The following CCSER1 variants were observed in gnomAD, a reference collection of about 807,000 sequenced individuals.
CCSER1 encodes coiled-coil serine rich protein 1, also known as serine-rich coiled-coil domain-containing protein 1.
A neutral mutation model predicts 82.0 loss-of-function variants in CCSER1; 41 were observed. That is an observed-to-expected ratio of 0.50 (90% CI 0.39 to 0.65). CCSER1 has a LOEUF of 0.65. CCSER1 is among the 30% of genes least tolerant of loss of function. CCSER1 has a pLI of 0.00. For synonymous variants in CCSER1, 414 were observed against 383.9 expected (o/e 1.08, Z -0.92); for missense variants, 1,119 against 1,064.2 (o/e 1.05, Z -0.72).
At chr4:90,485,984 G>C (rs920185626) in intron 5 of CCSER1, among the ~76,000 whole-genome samples, 1 of 152,116 alleles carries the variant, frequency 6.6e-6, no homozygotes, top group Non-Finnish European at 1.5e-5. Context: ...AGAGGACTCT[G>C]TCATGTGGTC....
At chr4:91,260,434 AT>A (rs1325193348) in intron 10 of CCSER1, among the ~76,000 whole-genome samples, 3 of 152,204 alleles carry the variant, frequency 2.0e-5, no homozygotes, top group African/African-American at 7.2e-5. Flanking sequence ...TCTTTTATTA[AT>A]CCTCTTAACT....
At chr4:90,640,573 C>T (rs1445376326) in intron 6 of CCSER1, among the ~76,000 whole-genome samples, 2 of 152,068 alleles carry the variant, frequency 1.3e-5, no homozygotes, top group Non-Finnish European at 2.9e-5. Flanking sequence ...TTAGGCTTTA[C>T]GTCCCCACCC....
At chr4:90,543,271 A>G (rs1233509992) in intron 5 of CCSER1, among the ~76,000 whole-genome samples, 1 of 152,164 alleles carries the variant, frequency 6.6e-6, no homozygotes, top group Non-Finnish European at 1.5e-5. Flanking sequence ...GAGTTACTAT[A>G]AGAATCTTAG....
At chr4:91,195,751 C>T (rs1735354726) in intron 10 of CCSER1, among the ~76,000 whole-genome samples, 1 of 152,144 alleles carries the variant, frequency 6.6e-6, no homozygotes, top group African/African-American at 2.4e-5. Context: ...TTTCTCATAT[C>T]TATCTCTCAC....
chr4:90,731,126 T>C (rs1034894881), intron 7 of CCSER1, among the ~76,000 whole-genome samples: 2 of 152,140 alleles, frequency 1.3e-5, no homozygotes, highest in African/African-American at 4.8e-5. Context: ...TGATTGAATA[T>C]TGAGTACATT....
chr4:90,713,113 C>G (rs557361662), intron 6 of CCSER1, among the ~76,000 whole-genome samples: 1 of 151,868 alleles, frequency 6.6e-6, no homozygotes, highest in South Asian at 2.1e-4. Context: ...CATTCTGTGT[C>G]TTTTAATTGG....
At chr4:91,254,353 G>A (rs1740510181) in intron 10 of CCSER1, among the ~76,000 whole-genome samples, 2 of 152,126 alleles carry the variant, frequency 1.3e-5, no homozygotes, top group African/African-American at 2.4e-5. Flanking sequence ...ATATGTATAC[G>A]ATGGAATATT....
intron 5 of CCSER1, among the ~76,000 whole-genome samples, chr4:90,612,013 T>C (rs1413040919): frequency 6.6e-6 from 1 of 151,808 alleles, no homozygotes; most frequent in Non-Finnish European, 1.5e-5. Context: ...ATTTACCTTA[T>C]TTTCACTTTG....
chr4:91,172,874 CA>C (rs1194722102), intron 10 of CCSER1, among the ~76,000 whole-genome samples: 1 of 151,944 alleles, frequency 6.6e-6, no homozygotes, highest in Non-Finnish European at 1.5e-5. Flanking sequence ...ATAGAAGAAA[CA>C]TATTAAACAT....
At chr4:90,874,207 T>G (rs1385700914) in intron 8 of CCSER1, among the ~76,000 whole-genome samples, 1 of 152,130 alleles carries the variant, frequency 6.6e-6, no homozygotes. Flanking sequence ...AGGCACAGCT[T>G]TAGGTAATAT....
chr4:90,277,153 C>T (rs183120645), intron 1 of CCSER1, among the ~76,000 whole-genome samples: 150 of 151,968 alleles, frequency 9.9e-4, no homozygotes, highest in South Asian at 2.7e-3. Context: ...AGTGGGCATT[C>T]CTGTCTAGGC....
intron 10 of CCSER1, among the ~76,000 whole-genome samples, chr4:91,213,238 G>A (rs531058739): frequency 3.7e-4 from 56 of 151,956 alleles, no homozygotes; most frequent in Non-Finnish European, 7.1e-4. Context: ...TTTTGATATG[G>A]ATGTTTGTAC....
intron 10 of CCSER1, among the ~76,000 whole-genome samples, chr4:91,517,748 G>A (rs1463062058): frequency 1.4e-5 from 1 of 70,788 alleles, no homozygotes; most frequent in Non-Finnish European, 3.0e-5. Context: ...TCTTTCTCGT[G>A]TGTGTGTGTG....
intron 10 of CCSER1, among the ~76,000 whole-genome samples, chr4:91,275,161 T>C (rs990666795): frequency 6.6e-6 from 1 of 152,132 alleles, no homozygotes; most frequent in African/African-American, 2.4e-5. Context: ...CAGTAGGGGA[T>C]TGCTGCATCA....
chr4:90,352,675 A>T (rs1299559366), intron 3 of CCSER1, among the ~76,000 whole-genome samples: 1 of 151,816 alleles, frequency 6.6e-6, no homozygotes. Flanking sequence ...ACAAAAAAAA[A>T]ACATATATGT....
At chr4:90,219,617 C>A (rs994638189) in intron 1 of CCSER1, among the ~76,000 whole-genome samples, 1 of 152,130 alleles carries the variant, frequency 6.6e-6, no homozygotes, top group Non-Finnish European at 1.5e-5. Context: ...CAATAAAAAT[C>A]ATGCCTTGCT....
intron 10 of CCSER1, among the ~76,000 whole-genome samples, chr4:91,351,505 GA>G (rs1405631528): frequency 6.6e-6 from 1 of 151,944 alleles, no homozygotes; most frequent in Non-Finnish European, 1.5e-5. Flanking sequence ...TCTAAAGCAT[GA>G]AACAGATTCT....
chr4:91,396,147 T>C (rs567031392), intron 10 of CCSER1, among the ~76,000 whole-genome samples: 2 of 152,184 alleles, frequency 1.3e-5, no homozygotes, highest in South Asian at 4.1e-4. Context: ...ACCAACTGGG[T>C]CCTGTGAACT....
At chr4:91,428,712 G>C (rs552715857) in intron 10 of CCSER1, among the ~76,000 whole-genome samples, 2 of 152,040 alleles carry the variant, frequency 1.3e-5, no homozygotes, top group South Asian at 4.1e-4. Flanking sequence ...TACAGTTTCT[G>C]TTCCTTACTG....
Sources: allele counts gnomAD v4.1 joint callset (sites outside exome capture counted in the v4.1 genomes callset), GRCh38; gene constraint gnomAD v4.1.1; transcripts MANE v1.5; gene names NCBI Gene and HGNC (gene_info 2026-07-23, HGNC 2026-07-21).